KLF3: variants seen among roughly 807,000 people sequenced by gnomAD.
KLF3 encodes Krueppel-like factor 3.
Under a neutral mutation model 32.7 loss-of-function variants are expected in KLF3, and 6 were observed. That is an observed-to-expected ratio of 0.18 (90% CI 0.10 to 0.36). The LOEUF is 0.36. KLF3 is among the 10% of genes least tolerant of loss of function. KLF3 has a pLI of 1.00. For synonymous variants in KLF3, 145 were observed against 172.8 expected, an observed-to-expected ratio of 0.84 and a Z score of 1.26; for missense variants, 338 against 449.7, an observed-to-expected ratio of 0.75 and a Z score of 2.25.
At chr4:38,684,617 G>A (rs1018677503) in intron 2 of KLF3, among the ~76,000 whole-genome samples, 6 of 144,890 alleles carry the variant, frequency 4.1e-5, no homozygotes, top group Non-Finnish European at 7.5e-5. Flanking sequence ...CTGGAATGCA[G>A]TAGCAAGATC....
At chr4:38,696,359 T>C (rs1479286052) in intron 5 of KLF3, among the ~76,000 whole-genome samples, 1 of 152,158 alleles carries the variant, frequency 6.6e-6, no homozygotes, top group African/African-American at 2.4e-5. Flanking sequence ...ATGACCCTTA[T>C]GACTAATTTA....
chr4:38,689,107 C>T (rs1483527561), intron 3 of KLF3, 36 bp downstream of exon 3: 1 of 1,605,052 alleles, frequency 6.2e-7, no homozygotes, highest in African/African-American at 1.3e-5. Context: ...GCTGCACTTG[C>T]TTAGCGTACT....
rs1443981229 is a variant in KLF3, at chr4:38,697,628, G to A, written c.*365G>A. The A allele has an allele frequency of 5.6e-6, 1 of 179,354 alleles. No individual in the cohort carries two copies. The highest frequency in any genetic ancestry group is 5.8e-5 in the Admixed American group (1 of 17,204). 11.1% of individuals were successfully genotyped at this position (179,354 alleles called of 1,614,324 possible). The stretch of plus-strand genomic sequence containing the variant: ...AAAGAATGTCAGAGTAAATGTATTA[G>A]AAATACAGTATCCAGACTGCTAGTC... On this transcript the variant is annotated 3_prime_UTR_variant, in exon 6 of 6. Transcript: ENST00000261438.
rs1722493525 is a variant in KLF3 at position 38,680,647 on chromosome 4, C to G, written c.22C>G (p.Pro8Ala). Reference protein sequence around the residue: MLMFDPVPVKQEAMDPVS... With the variant: MLMFDPVAVKQEAMDPVS... ...AAGAATGCTCATGTTTGACCCAGTT[C>G]CTGTCAAGCAAGAGGCCATGGACCC... Residue 8 changes from proline to alanine, a missense_variant, in exon 2 of 6, where the codon CCT (proline) becomes GCT (alanine). By Grantham distance (27) the Pro-to-Ala change is conservative (BLOSUM62 -1). Around this residue, in one of 2 missense-constraint regions of KLF3, gnomAD observed 272 missense variants for 313.4 expected, o/e 0.87. Coordinates refer to ENST00000261438, the MANE Select transcript of KLF3 (RefSeq NM_016531.6). 6.2e-7 allele frequency: 1 copy of G among 1,613,720 alleles called. No homozygotes were observed.
At chr4:38,675,385 G>T (rs1020254550) in intron 1 of KLF3, among the ~76,000 whole-genome samples, 2 of 129,790 alleles carry the variant, frequency 1.5e-5, no homozygotes, top group Non-Finnish European at 3.5e-5. Context: ...AAACAATTTT[G>T]CCCTTCCCCC....
At chr4:38,678,578 G>C (rs1722422309) in intron 1 of KLF3, among the ~76,000 whole-genome samples, 1 of 152,186 alleles carries the variant, frequency 6.6e-6, no homozygotes, top group South Asian at 2.1e-4. Flanking sequence ...GTGTTGTCAT[G>C]AGATTCAAAA....
At chr4:38,669,813 A>G (rs1258377109) in intron 1 of KLF3, among the ~76,000 whole-genome samples, 1 of 140,386 alleles carries the variant, frequency 7.1e-6, no homozygotes, top group Non-Finnish European at 1.5e-5. Context: ...GAATTGCCTG[A>G]ACCTGGGAGG....
intron 5 of KLF3, among the ~76,000 whole-genome samples, chr4:38,696,571 T>G (rs1463579869): frequency 6.6e-6 from 1 of 152,194 alleles, no homozygotes; most frequent in Non-Finnish European, 1.5e-5. Flanking sequence ...AGCATTATAC[T>G]TAGGCCTAAT....
At chr4:38,686,430 T>G (rs908737291) in intron 2 of KLF3, among the ~76,000 whole-genome samples, 14 of 130,400 alleles carry the variant, frequency 1.1e-4, no homozygotes, top group Non-Finnish European at 2.1e-4. Flanking sequence ...TGAGTAACAG[T>G]GAGACCCTAT....
rs1445278839 is a variant in KLF3 at position 38,701,361 on chromosome 4, T to C, written c.*4098T>C. ...TATTTGTTATTTATGAACCCCTGCC[T>C]GCTTCCAAAAAGAACTTGCAGCATT... On this transcript the variant is annotated 3_prime_UTR_variant, in exon 6 of 6. Transcript: ENST00000261438. Among the ~76,000 whole-genome samples the C allele has an allele frequency of 6.7e-6, 1 of 148,568 alleles. No homozygotes were observed. Among genetic ancestry groups the C allele is most frequent in the African/African-American group, 2.4e-5 (1 of 41,192 alleles).
At chr4:38,689,302 T>C (rs907047283) in intron 3 of KLF3, among the ~76,000 whole-genome samples, 1 of 152,240 alleles carries the variant, frequency 6.6e-6, no homozygotes, top group African/African-American at 2.4e-5. Flanking sequence ...CACTATGTAA[T>C]GGTCAACTTG....
Position 38,697,262 on chromosome 4 carries a change from GAT to G in KLF3, c.1038_*1del. ...CATAGGAAACGCCACATGCTAGTCT[GAT>G]TGCCTCTGTGTCCTGCCTCAGCGTG... is the stretch of plus-strand genomic sequence containing the variant. On this transcript the variant is annotated stop_lost and 3_prime_UTR_variant, in exon 6 of 6. Transcript: ENST00000261438. The G allele has an allele frequency of 6.2e-7, 1 of 1,604,812 alleles. No individual in the cohort carries two copies. Among genetic ancestry groups the G allele is most frequent in the Non-Finnish European group, 8.5e-7 (1 of 1,174,262 alleles).
chr4:38,664,367 T>C lies in KLF3; in HGVS notation c.-134T>C, dbSNP rs1721920594. On this transcript the variant is annotated 5_prime_UTR_variant, in exon 1 of 6. Transcript: ENST00000261438. ...CTGCGGCCGCCAACGCCGCCCGGAC[T>C]GGAGCCCTGACATTGCTGCGCTCGG... The C allele has an allele frequency of 6.6e-6, 1 of 151,996 alleles. No homozygotes were observed. Among genetic ancestry groups the C allele is most frequent in the Non-Finnish European group, 1.5e-5 (1 of 67,996 alleles). 9.4% of individuals were successfully genotyped at this position (151,996 alleles called of 1,614,324 possible).
Position 38,697,106 on chromosome 4 carries a change from G to A in KLF3, c.881G>A (p.Trp294Ter), listed in dbSNP as rs1180798237. 6.2e-7 allele frequency: 1 copy of A among 1,611,818 alleles called. No individual in the cohort carries two copies. Among genetic ancestry groups the A allele is most frequent in the African/African-American group, 1.3e-5 (1 of 74,780 alleles). Residue 294 changes from tryptophan (W) to a stop codon, truncating the protein, a stop_gained, in exon 6 of 6, where the codon TGG becomes TAG. Transcript: ENST00000261438. LOFTEE classifies it high-confidence loss of function. ...GGAGAAAAACCCTACAAATGTACATGGGAAGGGTGCACATGGAAGTTTGCT... is the reference window on the plus strand; with the variant it reads ...GGAGAAAAACCCTACAAATGTACATAGGAAGGGTGCACATGGAAGTTTGCT... ...HTGEKPYKCT[W>*]EGCTWKFARS...
rs1243331080 is a variant in KLF3 at position 38,698,621 on chromosome 4, T to G, written c.*1358T>G. On this transcript the variant is annotated 3_prime_UTR_variant, in exon 6 of 6. Coordinates refer to ENST00000261438, the MANE Select transcript of KLF3 (RefSeq NM_016531.6). ...ATTCCCAAAAGTTTACTGTTAGAGT[T>G]GGCAATTTCCTATCACTATTTCAGT... The G allele has an allele frequency of 6.6e-6, 1 of 152,516 alleles. No homozygotes were observed. The highest frequency in any genetic ancestry group is 2.4e-5 in the African/African-American group (1 of 41,456). 9.4% of individuals were successfully genotyped at this position (152,516 alleles called of 1,614,324 possible).
intron 1 of KLF3, among the ~76,000 whole-genome samples, chr4:38,677,915 G>GTT (rs993478093): frequency 1.4e-5 from 2 of 145,182 alleles, no homozygotes; most frequent in African/African-American, 2.6e-5. Context: ...GTGTGTGTGT[G>GTT]TTTTAATCTC....
chr4:38,688,705 G>A lies in KLF3; in HGVS notation c.178G>A (p.Glu60Lys), dbSNP rs1722775907. The A allele has an allele frequency of 6.2e-7, 1 of 1,614,074 alleles. No individual in the cohort carries two copies. The highest frequency in any genetic ancestry group is 1.7e-5 in the Admixed American group (1 of 60,004). Residue 60 changes from glutamate (E) to lysine (K), a missense_variant, in exon 3 of 6, where the codon GAG (glutamate) becomes AAG (lysine). By Grantham distance (56) the Glu-to-Lys change is moderately conservative. Coordinates refer to ENST00000261438, the MANE Select transcript of KLF3 (RefSeq NM_016531.6). The surrounding 1 kb of genome is among the most constrained non-coding windows in gnomAD (Gnocchi z 4.9). ...AGGTCTGTCGCACGGAATACAGATG[G>A]AGCCAGTGGACCTCACGGTGAACAA... is the stretch of plus-strand genomic sequence containing the variant. ...PEGLSHGIQM[E>K]PVDLTVNKRS...
intron 1 of KLF3, among the ~76,000 whole-genome samples, chr4:38,676,966 T>G (rs1288082691): frequency 6.0e-5 from 9 of 150,800 alleles, no homozygotes; most frequent in South Asian, 2.1e-4. Context: ...GTTTTTTTTT[T>G]TTTTTTTTTT....
chr4:38,672,539 C>T (rs1206352546), intron 1 of KLF3, among the ~76,000 whole-genome samples: 1 of 152,118 alleles, frequency 6.6e-6, no homozygotes, highest in Non-Finnish European at 1.5e-5. Context: ...AGGGGGCATT[C>T]CATTGCCGGT....
Sources: allele counts gnomAD v4.1 joint callset (sites outside exome capture counted in the v4.1 genomes callset), GRCh38; gene constraint gnomAD v4.1.1; regional missense constraint gnomAD v4.1.1; non-coding constraint Gnocchi (gnomAD v3.1); transcripts MANE v1.5; gene names NCBI Gene and HGNC (gene_info 2026-07-23, HGNC 2026-07-21).